Variants in RBMS3 observed in about 807,000 individuals in gnomAD.
RBMS3 encodes the protein RNA-binding motif, single-stranded-interacting protein 3.
In RBMS3, 27 loss-of-function variants were observed where a neutral mutation model predicts 66.8. The ratio of observed to expected loss-of-function variants is 0.40; its 90% CI spans 0.30 to 0.56. The LOEUF is 0.56. Among genes scored for constraint, RBMS3 ranks in the 20% least tolerant of loss-of-function variants. The pLI is 0.40. For missense variants in RBMS3, 513 were observed against 549.5 expected (o/e 0.93, Z 0.66); for synonymous variants, 188 against 183.0 (o/e 1.03, Z -0.22).
intron 10 of RBMS3, among the ~76,000 whole-genome samples, chr3:29,905,729 A>G (rs534230910): frequency 1.3e-5 from 2 of 152,158 alleles, no homozygotes; most frequent in East Asian, 3.9e-4. Flanking sequence ...CATAACATAC[A>G]CTAAAACTAA....
At chr3:29,568,944 G>A (rs1366100978) in intron 3 of RBMS3, among the ~76,000 whole-genome samples, 1 of 152,158 alleles carries the variant, frequency 6.6e-6, no homozygotes, top group Admixed American at 6.6e-5. Context: ...TTGCAGTCCA[G>A]GGAGTCTCAA....
chr3:29,682,334 T>A lies in RBMS3; in HGVS notation c.400-57386T>A, dbSNP rs142828496. On this transcript the variant is annotated intron_variant, in intron 4 of 14. Coordinates refer to ENST00000383767, the MANE Select transcript of RBMS3 (RefSeq NM_001003793.3). ...GTAATTTTTTGTTTGTTTGTTTGTT[T>A]TAGTAGAGACGGGTTTCACCATGTT... 7.0e-4 allele frequency among the ~76,000 whole-genome samples: 106 copies of A among 152,292 alleles called. 1 individual carries two copies. The highest frequency in any genetic ancestry group is 2.5e-3 in the African/African-American group (103 of 41,552).
In RBMS3 at chr3:29,299,585, A is replaced by G. The variant is rs1292953295; in HGVS notation, c.75+17829A>G. 2.0e-5 allele frequency among the ~76,000 whole-genome samples: 3 copies of G among 152,064 alleles called. No individual in the cohort carries two copies. In the East Asian group the frequency reaches 5.8e-4, roughly 30 times the overall value. ...CAAGTGGGGGTAGAAATTATTTGAA[A>G]AAAAATTAAAAATAACAAAGCAATA... On this transcript the variant is annotated intron_variant, in intron 1 of 14. Coordinates refer to ENST00000383767, the MANE Select transcript of RBMS3 (RefSeq NM_001003793.3).
At chr3:29,511,789 G>T (rs2044424050) in intron 3 of RBMS3, among the ~76,000 whole-genome samples, 1 of 151,828 alleles carries the variant, frequency 6.6e-6, no homozygotes, top group Non-Finnish European at 1.5e-5. Context: ...CTTTAAAGTT[G>T]AAGGATCCAA....
chr3:29,628,689 A>G (rs1242057733), intron 4 of RBMS3, among the ~76,000 whole-genome samples: 3 of 152,084 alleles, frequency 2.0e-5, no homozygotes, highest in Non-Finnish European at 4.4e-5. Flanking sequence ...TAACACAAGA[A>G]AAGAAAAAAC....
chr3:29,924,603 C>A (rs913138620), intron 10 of RBMS3: 1 of 35,360 alleles, frequency 2.8e-5, no homozygotes, highest in African/African-American at 8.4e-5. Context: ...TTTGGGAGGC[C>A]AGGGGGCGGA....
At chr3:29,960,549 TCGCACCCCACA>T (rs1696359752) in intron 12 of RBMS3, among the ~76,000 whole-genome samples, 1 of 152,218 alleles carries the variant, frequency 6.6e-6, no homozygotes, top group South Asian at 2.1e-4. Flanking sequence ...GTGTGGGAAC[TCGCACCCCACA>T]TTTCCCTTCC....
intron 6 of RBMS3, among the ~76,000 whole-genome samples, chr3:29,787,802 A>C (rs773380360): frequency 2.6e-5 from 4 of 152,154 alleles, no homozygotes; most frequent in Admixed American, 6.5e-5. Flanking sequence ...TATTCATGTA[A>C]CCAAACACCA....
intron 5 of RBMS3, among the ~76,000 whole-genome samples, chr3:29,744,716 A>G (rs55703151): frequency 0.026 from 3,906 of 151,506 alleles, 164 homozygotes; most frequent in African/African-American, 0.089. Flanking sequence ...CCTGGGAGGT[A>G]GAGGTTGCAG....
At chr3:29,392,189 G>T (rs2039330955) in intron 1 of RBMS3, among the ~76,000 whole-genome samples, 3 of 152,288 alleles carry the variant, frequency 2.0e-5, no homozygotes, top group Non-Finnish European at 1.5e-5. Context: ...GGTGGAGGCT[G>T]CAGTGAGCCG....
intron 5 of RBMS3, among the ~76,000 whole-genome samples, chr3:29,755,611 CA>C (rs1245544771): frequency 6.6e-6 from 1 of 152,196 alleles, no homozygotes; most frequent in African/African-American, 2.4e-5. Flanking sequence ...GGAGCAACCA[CA>C]AGGGTGTTTC....
At chr3:29,982,519 T>C (rs1298747014) in intron 12 of RBMS3, among the ~76,000 whole-genome samples, 1 of 152,212 alleles carries the variant, frequency 6.6e-6, no homozygotes, top group African/African-American at 2.4e-5. Context: ...GGGTGTCGAT[T>C]TTAGATCTTT....
At chr3:29,776,309 T>C (rs2056424328) in intron 6 of RBMS3, among the ~76,000 whole-genome samples, 2 of 152,012 alleles carry the variant, frequency 1.3e-5, no homozygotes, top group Non-Finnish European at 2.9e-5. Context: ...GTTTGACTTA[T>C]GCTGCTGTCT....
intron 1 of RBMS3, among the ~76,000 whole-genome samples, chr3:29,355,633 A>G (rs528551050): frequency 6.6e-6 from 1 of 152,250 alleles, no homozygotes; most frequent in African/African-American, 2.4e-5. Flanking sequence ...ATATCTCGGA[A>G]AGAAATGTAT....
intron 4 of RBMS3, among the ~76,000 whole-genome samples, chr3:29,659,344 T>C (rs566987832): frequency 5.6e-4 from 86 of 152,266 alleles, no homozygotes; most frequent in South Asian, 1.2e-3. Context: ...CCTTTTCGTC[T>C]TTTAAAACTA....
intron 1 of RBMS3, among the ~76,000 whole-genome samples, chr3:29,303,219 C>T (rs1176898652): frequency 6.6e-6 from 1 of 152,074 alleles, no homozygotes; most frequent in East Asian, 1.9e-4. Context: ...GCTTTGAAGT[C>T]ATCAGGGCCA....
At chr3:29,463,801 C>G (rs1322153861) in intron 2 of RBMS3, among the ~76,000 whole-genome samples, 1 of 152,028 alleles carries the variant, frequency 6.6e-6, no homozygotes, top group African/African-American at 2.4e-5. Flanking sequence ...TTCTTTACCC[C>G]CTAACCTAAC....
chr3:29,735,602 A>G (rs1282816928), intron 4 of RBMS3, among the ~76,000 whole-genome samples: 1 of 152,202 alleles, frequency 6.6e-6, no homozygotes, highest in Non-Finnish European at 1.5e-5. Context: ...AGCTAAGGCT[A>G]GGAACTCTTT....
At chr3:29,973,135 ACTCT>A (rs1382557977) in intron 12 of RBMS3, among the ~76,000 whole-genome samples, 2 of 151,958 alleles carry the variant, frequency 1.3e-5, no homozygotes, top group Admixed American at 1.3e-4. Flanking sequence ...ACCTTAACAG[ACTCT>A]CTTATTTAAG....
Sources: gnomAD v4.1 joint callset for allele counts (sites outside exome capture counted in the v4.1 genomes callset) on GRCh38, gnomAD v4.1.1 for gene constraint, MANE v1.5 for transcripts, NCBI Gene and HGNC (gene_info 2026-07-23, HGNC 2026-07-21) for gene names.